DMXL2: variants seen among roughly 807,000 people sequenced by gnomAD.
The protein encoded by DMXL2 is dmX-like protein 2.
DMXL2 carries 103 observed loss-of-function variants against 331.1 expected under a neutral mutation model. The ratio of observed to expected loss-of-function variants is 0.31; its 90% CI spans 0.27 to 0.37. The LOEUF (loss-of-function observed/expected upper bound fraction) is 0.37, where lower values mean the gene tolerates loss of function less well. Ranked by LOEUF, DMXL2 falls within the 10% of genes least tolerant of loss-of-function variation. DMXL2 has a pLI of 1.00. For missense variants in DMXL2, 3,171 were observed against 3,642.9 expected (o/e 0.87, Z 3.33); for synonymous variants, 1,281 against 1,252.1 (o/e 1.02, Z -0.49).
At chr15:51,463,688 C>A (rs1214833514) in intron 32 of DMXL2, among the ~76,000 whole-genome samples, 192 bp from the exon 33 acceptor site, 1 of 151,988 alleles carries the variant, frequency 6.6e-6, no homozygotes, top group East Asian at 1.9e-4. Flanking sequence ...ATTTTTAGTT[C>A]TCCTAAAAAT....
At chr15:51,539,210 C>CAA (rs1247726090) in intron 9 of DMXL2, among the ~76,000 whole-genome samples, 2 of 131,966 alleles carry the variant, frequency 1.5e-5, no homozygotes, top group Middle Eastern at 3.5e-3. Flanking sequence ...ACTCCGTTTC[C>CAA]AAAAAAAAAA....
chr15:51,482,262 C>CA (rs984735732), intron 23 of DMXL2, among the ~76,000 whole-genome samples: 6 of 151,762 alleles, frequency 4.0e-5, no homozygotes, highest in African/African-American at 1.2e-4. Context: ...TACCATAAAA[C>CA]AAAAAAATTC....
intron 1 of DMXL2, among the ~76,000 whole-genome samples, chr15:51,582,972 T>C (rs1405184764): frequency 3.3e-5 from 5 of 151,990 alleles, no homozygotes; most frequent in Non-Finnish European, 1.5e-5. Flanking sequence ...TATATAAAAG[T>C]ATATCTTTTA....
chr15:51,619,960 T>C (rs1455410015), intron 1 of DMXL2, among the ~76,000 whole-genome samples: 2 of 152,230 alleles, frequency 1.3e-5, no homozygotes, highest in South Asian at 2.1e-4. Flanking sequence ...TTTAATCATC[T>C]GATCCAGAAC....
intron 29 of DMXL2, among the ~76,000 whole-genome samples, chr15:51,469,002 G>C (rs1341185723): frequency 6.6e-6 from 1 of 152,002 alleles, no homozygotes; most frequent in African/African-American, 2.4e-5. Context: ...TAGATTAAAA[G>C]AGACTGAAGA....
intron 2 of DMXL2, among the ~76,000 whole-genome samples, chr15:51,575,293 C>T (rs1179725310): frequency 1.3e-5 from 2 of 152,076 alleles, no homozygotes; most frequent in Admixed American, 1.3e-4. Flanking sequence ...TACTCTTGAT[C>T]AAATTTGTTA....
rs567672857 is a variant in DMXL2, at chr15:51,562,124, T to C, written c.567+1257A>G. 3.3e-5 allele frequency among the ~76,000 whole-genome samples: 5 copies of C among 152,300 alleles called. No individual in the cohort carries two copies. In the South Asian group the frequency reaches 8.3e-4, roughly 25 times the overall value. ...CAATTAACTAGAAGATTTGAAATGTTACCAACACAAAAAGAGATAAACATT... is the reference window on the plus strand; with the variant it reads ...CAATTAACTAGAAGATTTGAAATGTCACCAACACAAAAAGAGATAAACATT... On this transcript the variant is annotated intron_variant, in intron 6 of 43. Coordinates refer to ENST00000560891, the MANE Select transcript of DMXL2 (RefSeq NM_001378457.1).
chr15:51,576,183 T>TAAAAAA lies in DMXL2; in HGVS notation c.88-8_88-3dup, dbSNP rs3078066. ...AATATCACAGCCTGATCCATATGCC[T>TAAAAAA]AAAAAAAAAAAAAAAAAAAAGTTTT... On this transcript the variant is annotated splice_region_variant and splice_polypyrimidine_tract_variant and intron_variant, in intron 1 of 43. Transcript: ENST00000560891. The TAAAAAA allele has an allele frequency of 1.4e-3, 903 of 627,876 alleles. 27 individuals are homozygous for TAAAAAA. The highest frequency in any genetic ancestry group is 9.0e-3 in the East Asian group (162 of 17,924). 38.9% of individuals were successfully genotyped at this position (627,876 alleles called of 1,614,324 possible).
intron 6 of DMXL2, among the ~76,000 whole-genome samples, chr15:51,552,677 CCTCT>C (rs990503562): frequency 3.3e-5 from 5 of 152,026 alleles, no homozygotes; most frequent in Middle Eastern, 3.4e-3. Flanking sequence ...AGGTATCTCC[CCTCT>C]CTCTATCATT....
intron 23 of DMXL2, among the ~76,000 whole-genome samples, chr15:51,483,554 C>G (rs577275518): frequency 1.3e-5 from 2 of 152,182 alleles, no homozygotes; most frequent in African/African-American, 2.4e-5. Flanking sequence ...TACCCTCCCC[C>G]AAATGGGAGA....
intron 6 of DMXL2, among the ~76,000 whole-genome samples, chr15:51,552,913 T>G (rs1190151068): frequency 2.6e-5 from 4 of 152,228 alleles, no homozygotes; most frequent in Non-Finnish European, 5.9e-5. Flanking sequence ...AGCTTTCTGT[T>G]GCTCTTTAAC....
rs1472914147 is a variant in DMXL2 at position 51,605,624 on chromosome 15, A to AGC, written c.87+16833_87+16834dup. Reference sequence around the variant, plus strand: ...AGTGGCGCAATCTCGGCTCACTGCAAGCTCCGCTTCCCGGGTTCACGCCAT... The same window carrying AGC: ...AGTGGCGCAATCTCGGCTCACTGCAAGCGCTCCGCTTCCCGGGTTCACGCCAT... On this transcript the variant is annotated intron_variant, in intron 1 of 43. Transcript: ENST00000560891. 3.9e-5 allele frequency among the ~76,000 whole-genome samples: 2 copies of AGC among 50,956 alleles called. 1 individual carries two copies. Among genetic ancestry groups the AGC allele is most frequent in the Non-Finnish European group, 8.9e-5 (2 of 22,448 alleles). 33.4% of individuals were successfully genotyped at this position (50,956 alleles called of 152,430 possible).
Position 51,622,560 on chromosome 15 carries a change from C to A in DMXL2, c.-15G>T, listed in dbSNP as rs560673323. On this transcript the variant is annotated 5_prime_UTR_variant, in exon 1 of 44. Coordinates refer to ENST00000560891, the MANE Select transcript of DMXL2 (RefSeq NM_001378457.1). ...TGCAGATGCATCTCCGGAGCCCGGG[C>A]TGGACAGAATGCGCGGGAGGTGCGA... 6.5e-6 allele frequency: 10 copies of A among 1,546,324 alleles called. No individual in the cohort carries two copies. In the Admixed American group the frequency reaches 2.0e-4, roughly 31 times the overall value.
intron 28 of DMXL2, 80 bp from the exon 29 acceptor site, chr15:51,471,481 C>T: frequency 7.5e-7 from 1 of 1,336,202 alleles, no homozygotes; most frequent in Middle Eastern, 2.4e-4. Flanking sequence ...TCTTTTTATC[C>T]TACTCTTGCC....
rs577818037 is a variant in DMXL2, at chr15:51,487,971, A to G, written c.5200T>C (p.Leu1734=). The change falls in exon 22 of 44, where the codon TTG becomes CTG. Residue 1734 remains leucine (L), a synonymous_variant. Coordinates refer to ENST00000560891, the MANE Select transcript of DMXL2 (RefSeq NM_001378457.1). ...SAAFFLLAGS[L]KDAIEVCLEK... ...ATTTATACCTCTATGGCATCTTTCAATGAACCAGCTAGCAAGAAAAAAGCA... is the reference window on the plus strand; with the variant it reads ...ATTTATACCTCTATGGCATCTTTCAGTGAACCAGCTAGCAAGAAAAAAGCA... The G allele has an allele frequency of 5.6e-6, 9 of 1,609,464 alleles. No homozygotes were observed. The highest frequency in any genetic ancestry group is 1.7e-5 in the Admixed American group (1 of 58,782).
At chr15:51,516,997 G>T in intron 14 of DMXL2, 81 bp downstream of exon 14, 1 of 1,066,918 alleles carries the variant, frequency 9.4e-7, no homozygotes, top group Non-Finnish European at 1.4e-6. Flanking sequence ...AAATTATTCT[G>T]AGAATGACAT....
chr15:51,563,107 A>G (rs868448634), intron 6 of DMXL2, among the ~76,000 whole-genome samples: 62 of 151,612 alleles, frequency 4.1e-4, no homozygotes, highest in African/African-American at 1.5e-3. Flanking sequence ...AGTTATGTAC[A>G]TATGCTATTT....
Position 51,449,009 on chromosome 15 carries a change from G to C in DMXL2, c.9152C>G (p.Pro3051Arg). 1.2e-6 allele frequency: 2 copies of C among 1,614,130 alleles called. No individual in the cohort carries two copies. The highest frequency in any genetic ancestry group is 1.7e-6 in the Non-Finnish European group (2 of 1,180,012). Reference sequence around the variant, plus strand: ...TTATAGAATGTCAAGAATTCTGTTAGGGATGTTAAAAGCATTGGGCAAAAC... The same window carrying C: ...TTATAGAATGTCAAGAATTCTGTTACGGATGTTAAAAGCATTGGGCAAAAC... ...TRVLPNAFNI[P>R]NRILDIL Residue 3051 changes from proline (P) to arginine (R), a missense_variant, in exon 44 of 44, where the codon CCT (proline) becomes CGT (arginine). Physicochemically the swap from Pro to Arg is moderately radical, Grantham distance 103. Around this residue, in one of 7 missense-constraint regions of DMXL2, gnomAD observed 766 missense variants for 940.5 expected, o/e 0.81. Coordinates refer to ENST00000560891, the MANE Select transcript of DMXL2 (RefSeq NM_001378457.1).
chr15:51,544,297 G>T (rs1190738494), intron 8 of DMXL2, among the ~76,000 whole-genome samples: 3 of 152,024 alleles, frequency 2.0e-5, no homozygotes, highest in African/African-American at 7.2e-5. Flanking sequence ...CATAAGATTT[G>T]GTCATTTAAA....
Sources: gnomAD v4.1 joint callset for allele counts (sites outside exome capture counted in the v4.1 genomes callset) on GRCh38, gnomAD v4.1.1 for gene constraint, gnomAD v4.1.1 regional missense constraint, MANE v1.5 for transcripts, NCBI Gene and HGNC (gene_info 2026-07-23, HGNC 2026-07-21) for gene names.